The following GINS4 variants were observed in gnomAD, a reference collection of about 807,000 sequenced individuals.
The protein encoded by GINS4 is DNA replication complex GINS protein SLD5.
A neutral mutation model predicts 31.1 loss-of-function variants in GINS4; 20 were observed. That is an observed-to-expected ratio of 0.64 (90% CI 0.45 to 0.93). The LOEUF (loss-of-function observed/expected upper bound fraction) is 0.93, where lower values mean the gene tolerates loss of function less well. Among genes scored for constraint, GINS4 ranks in the 40% least tolerant of loss-of-function variants. The probability of loss-of-function intolerance (pLI) is 0.00; values close to 1 mark genes in which losing one functional copy is unlikely to be tolerated. For synonymous variants in GINS4, 85 were observed against 97.9 expected, an observed-to-expected ratio of 0.87 and a Z score of 0.78; for missense variants, 245 against 273.9, an observed-to-expected ratio of 0.89 and a Z score of 0.75.
intron 5 of GINS4, 64 bp from the exon 6 acceptor site, chr8:41,539,852 G>T (rs774531389): frequency 7.6e-6 from 12 of 1,582,850 alleles, no homozygotes; most frequent in Non-Finnish European, 1.0e-5. Context: ...GTGCGCTGCT[G>T]CCTGCTAACC....
In GINS4 at chr8:41,542,978, G is replaced by A. The variant is rs981388387; in HGVS notation, c.*891G>A. 6.6e-6 allele frequency: 1 copy of A among 152,252 alleles called. No individual in the cohort carries two copies. The highest frequency in any genetic ancestry group is 1.5e-5 in the Non-Finnish European group (1 of 68,058). The allele number at this position is 152,252 out of a possible 1,614,324, so 9.4% of individuals were successfully genotyped here. A position where few individuals can be genotyped will look rare whatever the true frequency, so the allele number is the denominator to read the frequency against. Reference sequence around the variant, plus strand: ...CTGAGCTAAGGAAAGTCAGGCAGAAGTAGTTCATAAGAAGGCATCACTGCC... The same window carrying A: ...CTGAGCTAAGGAAAGTCAGGCAGAAATAGTTCATAAGAAGGCATCACTGCC... On this transcript the variant is annotated 3_prime_UTR_variant, in exon 8 of 8. Coordinates refer to ENST00000276533, the MANE Select transcript of GINS4 (RefSeq NM_032336.3).
chr8:41,531,690 A>G (rs1806650054), intron 2 of GINS4, among the ~76,000 whole-genome samples: 2 of 152,220 alleles, frequency 1.3e-5, no homozygotes, highest in Non-Finnish European at 1.5e-5. Flanking sequence ...AATTTTGCAT[A>G]TGACTTCCAG....
rs781095367 is a variant in GINS4 at position 41,537,204 on chromosome 8, A to T, written c.208A>T (p.Arg70Trp). The T allele has an allele frequency of 1.2e-6, 2 of 1,612,898 alleles. No individual in the cohort carries two copies. The highest frequency in any genetic ancestry group is 1.7e-6 in the Non-Finnish European group (2 of 1,178,888). Residue 70 changes from arginine (R) to tryptophan (W), a missense_variant, in exon 4 of 8, where the codon AGG becomes TGG. Transcript: ENST00000276533. ...GGAAGAAAATCTCAGGAGAGCCAAA[A>T]GGGAGGACCTGAAGGTCAGCATCCA... ...HMEENLRRAK[R>W]EDLKVSIHQM... is the part of the protein sequence containing the mutation.
rs769121916 is a variant in GINS4, at chr8:41,539,944, A to C, written c.424A>C (p.Lys142Gln). 6.2e-6 allele frequency: 10 copies of C among 1,613,940 alleles called. No individual in the cohort carries two copies. The highest frequency in any genetic ancestry group is 5.0e-5 in the Admixed American group (3 of 60,004). The change falls in exon 6 of 8, where the codon AAA becomes CAA. Residue 142 changes from lysine to glutamine, a missense_variant. By Grantham distance (53) the Lys-to-Gln change is moderately conservative. Coordinates refer to ENST00000276533, the MANE Select transcript of GINS4 (RefSeq NM_032336.3). The stretch of plus-strand genomic sequence containing the variant: ...CATGGCGAACACAGAGTCCTATCTG[A>C]AAAATGTCGCCTTGAAGCACATGCC... ...EFMANTESYL[K>Q]NVALKHMPPN... is the part of the protein sequence containing the mutation.
At chr8:41,536,961 T>C in intron 3 of GINS4, 1 of 509,124 alleles carries the variant, frequency 2.0e-6, no homozygotes, top group Non-Finnish European at 3.6e-6. Flanking sequence ...TACAATCAGA[T>C]TGGAGTTCTT....
chr8:41,530,373 C>A, intron 2 of GINS4, 75 bp downstream of exon 2: 1 of 1,065,010 alleles, frequency 9.4e-7, no homozygotes, highest in Non-Finnish European at 1.4e-6. Flanking sequence ...TCAGGGATCA[C>A]AAGATGAGGA....
intron 2 of GINS4, among the ~76,000 whole-genome samples, chr8:41,531,051 C>T (rs1370487054): frequency 2.0e-5 from 3 of 152,218 alleles, no homozygotes; most frequent in Non-Finnish European, 4.4e-5. Flanking sequence ...GTGGGCGGAT[C>T]ACCTGAGGTC....
rs1319943623 is a variant in GINS4 at position 41,543,572 on chromosome 8, C to G, written c.*1485C>G. The G allele has an allele frequency of 6.6e-6, 1 of 152,200 alleles. No individual in the cohort carries two copies. Among genetic ancestry groups the G allele is most frequent in the Non-Finnish European group, 1.5e-5 (1 of 68,060 alleles). The allele number at this position is 152,200 out of a possible 1,614,324, so 9.4% of individuals were successfully genotyped here. On this transcript the variant is annotated 3_prime_UTR_variant, in exon 8 of 8. Transcript: ENST00000276533. ...TTCCTTGAAATGCTATAAAAAGCAA[C>G]CTGCATTCCAGTCTTTTCTTCCTGG...
intron 2 of GINS4, chr8:41,534,346 G>A: frequency 3.1e-6 from 1 of 326,474 alleles, no homozygotes; most frequent in Admixed American, 3.1e-5. Flanking sequence ...GGTCAAGAAT[G>A]CAGTGAGCCA....
chr8:41,541,596 T>A (rs1349102794), intron 6 of GINS4, among the ~76,000 whole-genome samples: 2 of 152,096 alleles, frequency 1.3e-5, no homozygotes, highest in Admixed American at 1.3e-4. Flanking sequence ...CCTGAATTGG[T>A]CATTTTGCTG....
chr8:41,538,885 C>T (rs1563254995), intron 4 of GINS4, among the ~76,000 whole-genome samples: 1 of 151,578 alleles, frequency 6.6e-6, no homozygotes, highest in Non-Finnish European at 1.5e-5. Context: ...TTAGAAGAGA[C>T]AGGGTTTCAC....
chr8:41,530,010 G>C (rs1284938068), intron 1 of GINS4, 174 bp from the exon 2 acceptor site: 9 of 553,126 alleles, frequency 1.6e-5, no homozygotes, highest in Non-Finnish European at 2.2e-5. Flanking sequence ...CTAAGCCTTG[G>C]AGGAAGAGGC....
At chr8:41,530,419 G>A in intron 2 of GINS4, 121 bp downstream of exon 2, 1 of 661,470 alleles carries the variant, frequency 1.5e-6, no homozygotes, top group Non-Finnish European at 2.6e-6. Flanking sequence ...ACAGGGACTG[G>A]ATCTTACCAT....
At chr8:41,540,068 C>A in intron 6 of GINS4, 64 bp downstream of exon 6, 2 of 1,100,016 alleles carry the variant, frequency 1.8e-6, no homozygotes, top group Non-Finnish European at 2.8e-6. Context: ...GTAGGATCCT[C>A]TCTTCACTGT....
At position 41,536,388 on chromosome 8, in the gene GINS4, A is replaced by AGCT; in HGVS notation, c.130_132dup (p.Leu44dup). On this transcript the variant is annotated inframe_insertion, in exon 3 of 8. Coordinates refer to ENST00000276533, the MANE Select transcript of GINS4 (RefSeq NM_032336.3). ...TGGATGAATGAAAAGTTTGCCCCTG[A>AGCT]GCTGCTGGAGAGCAAGCCTGAGATT... 1 of 1,611,994 alleles carries AGCT rather than the reference A, an allele frequency of 6.2e-7. No homozygotes were observed. The highest frequency in any genetic ancestry group is 8.5e-7 in the Non-Finnish European group (1 of 1,178,108).
In GINS4 at chr8:41,544,205, AG is replaced by A. The variant is rs763917775; in HGVS notation, c.*2119del. ...GCAGAAACAAACTCTACTTGAGGTCAGCCTGGTTAGAAAGCCCAACTCAAAA... is the reference window on the plus strand; with the variant it reads ...GCAGAAACAAACTCTACTTGAGGTCACCTGGTTAGAAAGCCCAACTCAAAA... On this transcript the variant is annotated 3_prime_UTR_variant, in exon 8 of 8. Coordinates refer to ENST00000276533, the MANE Select transcript of GINS4 (RefSeq NM_032336.3). The A allele has an allele frequency of 9.9e-5, 15 of 152,270 alleles. No homozygotes were observed. The highest frequency in any genetic ancestry group is 1.8e-4 in the Non-Finnish European group (12 of 68,066). The allele number at this position is 152,270 out of a possible 1,614,324, so 9.4% of individuals were successfully genotyped here.
Position 41,542,370 on chromosome 8 carries a change from A to T in GINS4, c.*283A>T. 2.7e-6 allele frequency: 1 copy of T among 370,750 alleles called. No homozygotes were observed. Among genetic ancestry groups the T allele is most frequent in the Non-Finnish European group, 4.9e-6 (1 of 203,832 alleles). 23.0% of individuals were successfully genotyped at this position (370,750 alleles called of 1,614,324 possible). A position where few individuals can be genotyped will look rare whatever the true frequency, so the allele number is the denominator to read the frequency against. Reference sequence around the variant, plus strand: ...TTGCACTCCAGCCTGGGTGACAGTGAGACTTTGTCTCAAAAAAAAAAACAA... The same window carrying T: ...TTGCACTCCAGCCTGGGTGACAGTGTGACTTTGTCTCAAAAAAAAAAACAA... On this transcript the variant is annotated 3_prime_UTR_variant, in exon 8 of 8. Coordinates refer to ENST00000276533, the MANE Select transcript of GINS4 (RefSeq NM_032336.3).
At position 41,529,413 on chromosome 8, in the gene GINS4, A is replaced by T. The variant is rs1281427374; in HGVS notation, c.-20+17A>T. The stretch of plus-strand genomic sequence containing the variant: ...GGTCCCCGAGTGAGCGTCGAATGGG[A>T]CCTCTGTGGCTAGGGCAGGCCTGTG... On this transcript the variant is annotated intron_variant, in intron 1 of 7. Coordinates refer to ENST00000276533, the MANE Select transcript of GINS4 (RefSeq NM_032336.3). The T allele has an allele frequency of 6.6e-6, 1 of 151,500 alleles. No individual in the cohort carries two copies. Among genetic ancestry groups the T allele is most frequent in the Non-Finnish European group, 1.5e-5 (1 of 67,918 alleles). 9.4% of individuals were successfully genotyped at this position (151,500 alleles called of 1,614,324 possible). A position where few individuals can be genotyped will look rare whatever the true frequency, so the allele number is the denominator to read the frequency against.
rs1156332822 is a variant in GINS4, at chr8:41,529,269, C to A, written c.-147C>A. On this transcript the variant is annotated 5_prime_UTR_variant, in exon 1 of 8. Coordinates refer to ENST00000276533, the MANE Select transcript of GINS4 (RefSeq NM_032336.3). ...TGAGAAGTTGCAGGGTTGAGTTGGT[C>A]CCGGCAAGTCCTTGAGCAGTTTGTT... 1 of 152,358 alleles carries A rather than the reference C, an allele frequency of 6.6e-6. No homozygotes were observed. The highest frequency in any genetic ancestry group is 2.4e-5 in the African/African-American group (1 of 41,444). 9.4% of individuals were successfully genotyped at this position (152,358 alleles called of 1,614,324 possible). A position where few individuals can be genotyped will look rare whatever the true frequency, so the allele number is the denominator to read the frequency against.
Sources: allele counts gnomAD v4.1 joint callset (sites outside exome capture counted in the v4.1 genomes callset), GRCh38; gene constraint gnomAD v4.1.1; transcripts MANE v1.5; gene names NCBI Gene and HGNC (gene_info 2026-07-23, HGNC 2026-07-21).